The following PALLD variants were observed in gnomAD, a reference collection of about 807,000 sequenced individuals.
The protein encoded by PALLD is palladin.
Under a neutral mutation model 123.5 loss-of-function variants are expected in PALLD, and 61 were observed. That is an observed-to-expected ratio of 0.49 (90% CI 0.40 to 0.61). PALLD has a LOEUF of 0.61. Ranked by LOEUF, PALLD falls within the 20% of genes least tolerant of loss-of-function variation. The pLI, the probability that PALLD is intolerant of heterozygous loss-of-function variation, is 0.00. For synonymous variants in PALLD, 465 were observed against 496.4 expected (o/e 0.94, Z 0.84); for missense variants, 1,273 against 1,377.0 (o/e 0.92, Z 1.20).
chr4:168,580,126 T>C (rs1439634470), intron 2 of PALLD, among the ~76,000 whole-genome samples: 1 of 152,074 alleles, frequency 6.6e-6, no homozygotes, highest in African/African-American at 2.4e-5. Context: ...CGTGCCATGT[T>C]TGTCTTTCTG....
chr4:168,524,251 T>C (rs1385133391), intron 2 of PALLD, among the ~76,000 whole-genome samples: 3 of 152,240 alleles, frequency 2.0e-5, no homozygotes, highest in African/African-American at 7.2e-5. Context: ...GCCAGTACTA[T>C]ATGCTGTTTC....
At chr4:168,503,579 G>A (rs555476368) in intron 1 of PALLD, among the ~76,000 whole-genome samples, 20 of 151,566 alleles carry the variant, frequency 1.3e-4, no homozygotes, top group East Asian at 9.7e-4. Context: ...CCTGGGAGGC[G>A]GAGGTTGCAG....
chr4:168,832,280 T>G (rs1581684501), intron 10 of PALLD: 39 of 446,122 alleles, frequency 8.7e-5, no homozygotes, highest in Non-Finnish European at 1.1e-4. Context: ...CGGGACAGGG[T>G]GGGGGCGGGG....
At chr4:168,702,189 A>G (rs542555513) in intron 8 of PALLD, among the ~76,000 whole-genome samples, 47 of 152,060 alleles carry the variant, frequency 3.1e-4, no homozygotes, top group Non-Finnish European at 5.6e-4. Context: ...GAGAGGCTAG[A>G]AAAAAAGAAC....
intron 2 of PALLD, among the ~76,000 whole-genome samples, chr4:168,605,248 G>A (rs1773051272): frequency 1.1e-5 from 1 of 87,882 alleles, no homozygotes; most frequent in African/African-American, 6.7e-5. Flanking sequence ...ATTCATTTGG[G>A]GGATTAAAAA....
At position 168,709,059 on chromosome 4, in the gene PALLD, T is replaced by G. The variant is rs1202322052; in HGVS notation, c.1533T>G (p.Thr511=). 6.8e-6 allele frequency: 11 copies of G among 1,612,404 alleles called. No individual in the cohort carries two copies. The highest frequency in any genetic ancestry group is 9.3e-6 in the Non-Finnish European group (11 of 1,178,396). ...TTTGCACCCTAGTTATCGCTGAGAC[T>G]TTCCCTGAAGATGCAGGGATCTTTA... The part of the protein sequence containing the change: ...EEICTLVIAE[T]FPEDAGIFTC... The change falls in exon 9 of 22, where the codon ACT becomes ACG. Residue 511 remains threonine, a synonymous_variant. Coordinates refer to ENST00000505667, the MANE Select transcript of PALLD (RefSeq NM_001166108.2).
At chr4:168,639,719 A>G in intron 2 of PALLD, among the ~76,000 whole-genome samples, 1 of 151,510 alleles carries the variant, frequency 6.6e-6, no homozygotes, top group African/African-American at 2.4e-5. Flanking sequence ...AATTTTTTGT[A>G]TTTTTTAGTA....
chr4:168,504,593 C>CAAA (rs60824764), intron 1 of PALLD, among the ~76,000 whole-genome samples: 5 of 136,498 alleles, frequency 3.7e-5, no homozygotes, highest in South Asian at 2.3e-4. Context: ...GACTCCAACT[C>CAAA]AAAAAAAAAA....
chr4:168,769,350 T>C (rs940294269), intron 10 of PALLD, among the ~76,000 whole-genome samples: 1 of 152,210 alleles, frequency 6.6e-6, no homozygotes, highest in African/African-American at 2.4e-5. Flanking sequence ...AGGTCTCGTC[T>C]TTAGAGAGAG....
intron 10 of PALLD, among the ~76,000 whole-genome samples, chr4:168,842,162 A>G (rs1339417929): frequency 6.6e-6 from 1 of 152,126 alleles, no homozygotes; most frequent in Non-Finnish European, 1.5e-5. Context: ...CCTTTCATTC[A>G]CCGTGCTTTT....
intron 10 of PALLD, among the ~76,000 whole-genome samples, chr4:168,785,571 C>T (rs554920591): frequency 6.6e-6 from 1 of 152,126 alleles, no homozygotes; most frequent in African/African-American, 2.4e-5. Flanking sequence ...GAAGCAGTAA[C>T]TCCTGGGCAA....
chr4:168,690,860 G>A (rs1782554182), intron 7 of PALLD, 116 bp downstream of exon 7: 3 of 1,083,568 alleles, frequency 2.8e-6, no homozygotes, highest in Non-Finnish European at 4.2e-6. Flanking sequence ...AAGAGTGGCA[G>A]GATCAGATAA....
chr4:168,616,972 C>G lies in PALLD; in HGVS notation c.909-51218C>G, dbSNP rs569762593. ...ATGTCCGTTTTATGGTTCCAGGCCA[C>G]CATGGAGATGCAAGCATAAGTGCTG... On this transcript the variant is annotated intron_variant, in intron 2 of 21. Transcript: ENST00000505667. Among the ~76,000 whole-genome samples the G allele has an allele frequency of 7.4e-4, 113 of 152,270 alleles. 2 individuals are homozygous for G. The South Asian group carries it at 0.023, about 31-fold the overall frequency.
chr4:168,644,878 G>A (rs1019883002), intron 2 of PALLD, among the ~76,000 whole-genome samples: 1 of 152,096 alleles, frequency 6.6e-6, no homozygotes, highest in Non-Finnish European at 1.5e-5. Context: ...CGAGGCAGGC[G>A]GATCACTGGA....
At chr4:168,588,223 A>G (rs1771039170) in intron 2 of PALLD, among the ~76,000 whole-genome samples, 1 of 151,972 alleles carries the variant, frequency 6.6e-6, no homozygotes, top group Non-Finnish European at 1.5e-5. Flanking sequence ...TGGATTTGTA[A>G]AAAATTCCTG....
At chr4:168,923,258 A>T (rs903188710) in intron 18 of PALLD, among the ~76,000 whole-genome samples, 2 of 152,240 alleles carry the variant, frequency 1.3e-5, no homozygotes, top group African/African-American at 4.8e-5. Flanking sequence ...ATTCAATAAA[A>T]ATCCAACCTT....
At chr4:168,575,466 A>C (rs552634177) in intron 2 of PALLD, among the ~76,000 whole-genome samples, 1 of 152,050 alleles carries the variant, frequency 6.6e-6, no homozygotes, top group African/African-American at 2.4e-5. Context: ...AACCGCCCCC[A>C]TGATCCAATC....
chr4:168,548,981 A>G (rs1423301881), intron 2 of PALLD, among the ~76,000 whole-genome samples: 1 of 152,088 alleles, frequency 6.6e-6, no homozygotes, highest in Non-Finnish European at 1.5e-5. Flanking sequence ...TGACTGTGCC[A>G]CTGCAATCCA....
Position 168,512,380 on chromosome 4 carries a change from TAG to T in PALLD, c.879_880del (p.Arg293SerfsTer14), listed in dbSNP as rs754772048. On this transcript the variant is annotated frameshift_variant, in exon 2 of 22. Coordinates refer to ENST00000505667, the MANE Select transcript of PALLD (RefSeq NM_001166108.2). LOFTEE classifies it high-confidence loss of function. ...AEGSRVYLEC[R>X]VTGNPTPRVR... ...AAGGGAGCCGAGTTTATCTGGAGTG[TAG>T]AGTCACTGGAAACCCCACTCCTCGA... 1 of 1,613,788 alleles carries T rather than the reference TAG, an allele frequency of 6.2e-7. No homozygotes were observed.
Sources: allele counts gnomAD v4.1 joint callset (sites outside exome capture counted in the v4.1 genomes callset), GRCh38; gene constraint gnomAD v4.1.1; transcripts MANE v1.5; gene names NCBI Gene and HGNC (gene_info 2026-07-23, HGNC 2026-07-21).